Variants in NTSR1 observed in about 807,000 individuals in gnomAD.
NTSR1 encodes the protein neurotensin receptor type 1.
Under a neutral mutation model 31.2 loss-of-function variants are expected in NTSR1, and 29 were observed. The ratio of observed to expected loss-of-function variants is 0.93; its 90% CI spans 0.69 to 1.27. The LOEUF (loss-of-function observed/expected upper bound fraction) is 1.27. Among genes scored for constraint, NTSR1 ranks in the 50% most tolerant of loss-of-function variants. The pLI is 0.00. For synonymous variants in NTSR1, 282 were observed against 269.9 expected, an observed-to-expected ratio of 1.04 and a Z score of -0.44; for missense variants, 697 against 595.4, an observed-to-expected ratio of 1.17 and a Z score of -1.78.
At position 62,709,088 on chromosome 20, in the gene NTSR1, C is replaced by A; in HGVS notation, c.-120C>A. ...CCGACTGGACGGCGCGCCCGCTGGTCTTCGCCACGCGCCCTCCCCTGGGCT... is the reference window on the plus strand; with the variant it reads ...CCGACTGGACGGCGCGCCCGCTGGTATTCGCCACGCGCCCTCCCCTGGGCT... On this transcript the variant is annotated 5_prime_UTR_variant, in exon 1 of 4. Coordinates refer to ENST00000370501, the MANE Select transcript of NTSR1 (RefSeq NM_002531.3). 1.2e-6 allele frequency: 1 copy of A among 822,702 alleles called. No homozygotes were observed. 51.0% of individuals were successfully genotyped at this position (822,702 alleles called of 1,614,324 possible).
At chr20:62,739,795 CAG>C (rs1044593510) in intron 1 of NTSR1, among the ~76,000 whole-genome samples, 4 of 152,268 alleles carry the variant, frequency 2.6e-5, no homozygotes, top group Non-Finnish European at 4.4e-5. Context: ...GAAAAGCACA[CAG>C]AGAACCGTGG....
At position 62,744,159 on chromosome 20, in the gene NTSR1, C is replaced by T. The variant is rs946321373; in HGVS notation, c.715-10526C>T. Among the ~76,000 whole-genome samples, 13 of 152,200 alleles carry T rather than the reference C, an allele frequency of 8.5e-5. No individual in the cohort carries two copies. The highest frequency in any genetic ancestry group is 2.6e-4 in the Admixed American group (4 of 15,268). ...CGTGTCCCATCCCAGCCTCCCAAGCCGCAGTCCTGTGCCCCCCAATTTGCT... is the reference window on the plus strand; with the variant it reads ...CGTGTCCCATCCCAGCCTCCCAAGCTGCAGTCCTGTGCCCCCCAATTTGCT... On this transcript the variant is annotated intron_variant, in intron 1 of 3. Coordinates refer to ENST00000370501, the MANE Select transcript of NTSR1 (RefSeq NM_002531.3). This position sits in a 1 kb window ranked among gnomAD's most constrained non-coding sequence, Gnocchi z 4.1.
At chr20:62,727,591 A>G (rs894866971) in intron 1 of NTSR1, among the ~76,000 whole-genome samples, 1 of 152,228 alleles carries the variant, frequency 6.6e-6, no homozygotes, top group Non-Finnish European at 1.5e-5. Context: ...CGCCTCCAGC[A>G]TCGAGGTGAC....
rs1169181934 is a variant in NTSR1, at chr20:62,711,837, T to C, written c.714+1916T>C. On this transcript the variant is annotated intron_variant, in intron 1 of 3. Coordinates refer to ENST00000370501, the MANE Select transcript of NTSR1 (RefSeq NM_002531.3). The surrounding 1 kb of genome is among the most constrained non-coding windows in gnomAD (Gnocchi z 6.4). ...CTGCCCAGCCTTGTTGCTCAGAGGC[T>C]GCGAGGCAGATTTGGCCAAGTCACG... 2.6e-5 allele frequency among the ~76,000 whole-genome samples: 4 copies of C among 152,146 alleles called. No individual in the cohort carries two copies. Among genetic ancestry groups the C allele is most frequent in the African/African-American group, 9.7e-5 (4 of 41,438 alleles).
At chr20:62,731,617 T>C (rs1175878396) in intron 1 of NTSR1, among the ~76,000 whole-genome samples, 1 of 152,234 alleles carries the variant, frequency 6.6e-6, no homozygotes, top group Non-Finnish European at 1.5e-5. Flanking sequence ...TGTGAGGCCT[T>C]TTGAGTTAAT....
chr20:62,709,988 C>A, intron 1 of NTSR1, 67 bp downstream of exon 1: 1 of 1,277,918 alleles, frequency 7.8e-7, no homozygotes, highest in Non-Finnish European at 1.1e-6. Flanking sequence ...CAGTGGTGTG[C>A]CTTCTGGGTA....
chr20:62,760,120 C>T lies in NTSR1; in HGVS notation c.1110C>T (p.Asn370=), dbSNP rs754560333. 1 of 1,614,090 alleles carries T rather than the reference C, an allele frequency of 6.2e-7. No individual in the cohort carries two copies. Among genetic ancestry groups the T allele is most frequent in the Non-Finnish European group, 8.5e-7 (1 of 1,180,044 alleles). Residue 370 remains asparagine (N), a synonymous_variant, in exon 4 of 4, where the codon AAC becomes AAT. Transcript: ENST00000370501. ...NPILYNLVSA[N]FRHIFLATLA... ...TCCTGTACAACCTCGTCTCTGCCAA[C>T]TTCCGCCACATCTTCCTGGCCACAC...
intron 1 of NTSR1, among the ~76,000 whole-genome samples, chr20:62,753,068 C>T (rs1989420822): frequency 6.6e-6 from 1 of 152,196 alleles, no homozygotes; most frequent in Non-Finnish European, 1.5e-5. Context: ...TTTGAGTGCC[C>T]CCTCTCCATG....
rs1276350692 is a variant in NTSR1, at chr20:62,711,159, G to T, written c.714+1238G>T. Among the ~76,000 whole-genome samples the T allele has an allele frequency of 3.9e-5, 6 of 152,224 alleles. No individual in the cohort carries two copies. In the East Asian group the frequency reaches 9.7e-4, roughly 25 times the overall value. ...CAGGTGGGCTGGGGGGTGGAGGAGG[G>T]TAGAACTGAGCTCCCAGTCTCCCTG... On this transcript the variant is annotated intron_variant, in intron 1 of 3. Coordinates refer to ENST00000370501, the MANE Select transcript of NTSR1 (RefSeq NM_002531.3). This position sits in a 1 kb window ranked among gnomAD's most constrained non-coding sequence, Gnocchi z 6.4.
Position 62,760,232 on chromosome 20 carries a change from C to T in NTSR1, c.1222C>T (p.Leu408Phe). The T allele has an allele frequency of 6.2e-7, 1 of 1,613,396 alleles. No individual in the cohort carries two copies. Among genetic ancestry groups the T allele is most frequent in the Non-Finnish European group, 8.5e-7 (1 of 1,179,862 alleles). ...KADSVSSNHTLSSNATRETLY is the reference protein window; with the variant it reads ...KADSVSSNHTFSSNATRETLY ...CGACAGCGTGTCCAGCAACCACACC[C>T]TCTCCAGCAATGCCACCCGCGAGAC... The change falls in exon 4 of 4, where the codon CTC becomes TTC. Residue 408 changes from leucine to phenylalanine, a missense_variant. Physicochemically the swap from Leu to Phe is conservative, Grantham distance 22 (BLOSUM62 0). Coordinates refer to ENST00000370501, the MANE Select transcript of NTSR1 (RefSeq NM_002531.3).
intron 1 of NTSR1, among the ~76,000 whole-genome samples, chr20:62,740,307 G>A (rs11086124): frequency 0.075 from 10,435 of 138,324 alleles, 387 homozygotes; most frequent in African/African-American, 0.24. Context: ...CTTACAAGCC[G>A]TGCAGGCCGG....
chr20:62,720,524 C>G (rs1217200138), intron 1 of NTSR1, among the ~76,000 whole-genome samples: 1 of 152,098 alleles, frequency 6.6e-6, no homozygotes, highest in African/African-American at 2.4e-5. Context: ...TCTGTGACTT[C>G]TCTCTTTTCT....
chr20:62,716,848 T>G (rs1037171818), intron 1 of NTSR1, among the ~76,000 whole-genome samples: 69 of 152,356 alleles, frequency 4.5e-4, no homozygotes, highest in African/African-American at 1.6e-3. Flanking sequence ...ATAGAGATCC[T>G]GGTTCTTGGC....
At chr20:62,734,803 T>C (rs1989060450) in intron 1 of NTSR1, among the ~76,000 whole-genome samples, 1 of 152,268 alleles carries the variant, frequency 6.6e-6, no homozygotes, top group Non-Finnish European at 1.5e-5. Context: ...TTTGAATACA[T>C]TAAGTTAAAT....
rs1386928938 is a variant in NTSR1, at chr20:62,711,260, G to A, written c.714+1339G>A. On this transcript the variant is annotated intron_variant, in intron 1 of 3. Transcript: ENST00000370501. The surrounding 1 kb of genome is among the most constrained non-coding windows in gnomAD (Gnocchi z 6.4). ...CCCACAGACACTGGTGGCAGGCAGT[G>A]AGTCAGGGCTGCTTTGCTTCTGCGG... Among the ~76,000 whole-genome samples the A allele has an allele frequency of 6.6e-6, 1 of 152,204 alleles. No homozygotes were observed. Among genetic ancestry groups the A allele is most frequent in the Non-Finnish European group, 1.5e-5 (1 of 68,028 alleles).
At chr20:62,727,515 G>A (rs932654679) in intron 1 of NTSR1, among the ~76,000 whole-genome samples, 10 of 152,198 alleles carry the variant, frequency 6.6e-5, no homozygotes, top group Admixed American at 2.6e-4. Flanking sequence ...CCCGGCCGCC[G>A]GGCTCAGCAC....
rs1233553178 is a variant in NTSR1 at position 62,711,343 on chromosome 20, G to T, written c.714+1422G>T. On this transcript the variant is annotated intron_variant, in intron 1 of 3. Transcript: ENST00000370501. This position sits in a 1 kb window ranked among gnomAD's most constrained non-coding sequence, Gnocchi z 6.4. ...AGGCACGGCCTGTGGGGTAAACACAGTGAGAAATGACCTCTCCCTCCCTTT... is the reference window on the plus strand; with the variant it reads ...AGGCACGGCCTGTGGGGTAAACACATTGAGAAATGACCTCTCCCTCCCTTT... Among the ~76,000 whole-genome samples, 1 of 152,158 alleles carries T rather than the reference G, an allele frequency of 6.6e-6. No homozygotes were observed. The highest frequency in any genetic ancestry group is 6.5e-5 in the Admixed American group (1 of 15,284).
intron 3 of NTSR1, 101 bp from the exon 4 acceptor site, chr20:62,759,917 T>G: frequency 8.5e-7 from 1 of 1,176,302 alleles, no homozygotes; most frequent in Non-Finnish European, 1.2e-6. Flanking sequence ...AATTAGCGTC[T>G]GAGCCACCAC....
rs12624591 is a variant in NTSR1, at chr20:62,742,276, T to C, written c.715-12409T>C. 0.32 allele frequency among the ~76,000 whole-genome samples: 47,386 copies of C among 148,440 alleles called. 10,127 individuals are homozygous for C. The highest frequency in any genetic ancestry group is 0.52 in the African/African-American group (20,304 of 39,414). On this transcript the variant is annotated intron_variant, in intron 1 of 3. Transcript: ENST00000370501. The surrounding 1 kb of genome is among the most constrained non-coding windows in gnomAD (Gnocchi z 7.1). ...AGTCCTGCCCTCAGGGACTCAGAAA[T>C]GCTGGCGTTCCAGGAGGTGGTGTGT... is the stretch of plus-strand genomic sequence containing the variant.
Sources: gnomAD v4.1 joint callset for allele counts (sites outside exome capture counted in the v4.1 genomes callset) on GRCh38, gnomAD v4.1.1 for gene constraint, Gnocchi (gnomAD v3.1) non-coding constraint, MANE v1.5 for transcripts, NCBI Gene and HGNC (gene_info 2026-07-23, HGNC 2026-07-21) for gene names.